Variants in ALMS1 observed in about 807,000 individuals in gnomAD.
ALMS1 encodes centrosome-associated protein ALMS1.
Under a neutral mutation model 352.2 loss-of-function variants are expected in ALMS1, and 271 were observed. The ratio of observed to expected loss-of-function variants is 0.77; its 90% CI spans 0.70 to 0.85. The LOEUF is 0.85. Among genes scored for constraint, ALMS1 ranks in the 40% least tolerant of loss-of-function variants. The probability of loss-of-function intolerance (pLI) is 0.00; values close to 1 mark genes in which losing one functional copy is unlikely to be tolerated. For synonymous variants in ALMS1, 1,865 were observed against 1,761.2 expected (o/e 1.06, Z -1.48); for missense variants, 5,445 against 4,870.7 (o/e 1.12, Z -3.51).
chr2:73,498,373 G>A (rs184211772), intron 10 of ALMS1, among the ~76,000 whole-genome samples: 50 of 152,056 alleles, frequency 3.3e-4, no homozygotes, highest in African/African-American at 1.1e-3. Flanking sequence ...GTGAAGAATG[G>A]GGTACATCCC....
At chr2:73,433,978 C>T (rs1473620443) in intron 7 of ALMS1, among the ~76,000 whole-genome samples, 1 of 152,084 alleles carries the variant, frequency 6.6e-6, no homozygotes, top group Non-Finnish European at 1.5e-5. Flanking sequence ...ATTTTAGTAA[C>T]TTAAGTTTTC....
Position 73,490,774 on chromosome 2 carries a change from GATC to G in ALMS1, c.8820_8822del (p.His2940del). 1 of 1,614,026 alleles carries G rather than the reference GATC, an allele frequency of 6.2e-7. No homozygotes were observed. Among genetic ancestry groups the G allele is most frequent in the Non-Finnish European group, 8.5e-7 (1 of 1,180,008 alleles). ...TGAACAGTGCAAAGCCCCATATGTA[GATC>G]ATCAAATGAGAGAAAACCATTCTCC... On this transcript the variant is annotated inframe_deletion, in exon 10 of 23. Coordinates refer to ENST00000613296, the MANE Select transcript of ALMS1 (RefSeq NM_001378454.1).
intron 7 of ALMS1, among the ~76,000 whole-genome samples, chr2:73,439,940 G>T (rs1032562375): frequency 6.6e-6 from 1 of 151,672 alleles, no homozygotes; most frequent in Non-Finnish European, 1.5e-5. Flanking sequence ...CTTACTATGG[G>T]TTTCATGAAC....
At chr2:73,516,046 C>T (rs1245287867) in intron 10 of ALMS1, among the ~76,000 whole-genome samples, 3 of 152,074 alleles carry the variant, frequency 2.0e-5, no homozygotes, top group East Asian at 3.8e-4. Flanking sequence ...GCAAACTGTG[C>T]ATCCAACAAA....
At chr2:73,551,425 CTTTTTTTTTTTTT>C (rs372741747) in intron 13 of ALMS1, among the ~76,000 whole-genome samples, 8,155 of 73,884 alleles carry the variant, frequency 0.11, 497 homozygotes, top group East Asian at 0.3. Context: ...GAGTTTCAAT[CTTTTTTTTTTTTT>C]TTTTTTTTTT....
intron 11 of ALMS1, among the ~76,000 whole-genome samples, chr2:73,523,892 A>G (rs1005020074): frequency 6.6e-6 from 1 of 152,228 alleles, no homozygotes; most frequent in African/African-American, 2.4e-5. Flanking sequence ...CTAGGAGTCC[A>G]TCTAGAAATG....
Position 73,453,005 on chromosome 2 carries a change from C to T in ALMS1, c.6478C>T (p.His2160Tyr), listed in dbSNP as rs1479606549. Residue 2160 changes from histidine to tyrosine, a missense_variant, in exon 8 of 23, where the codon CAT becomes TAT. Physicochemically the swap from His to Tyr is moderately conservative, Grantham distance 83 (BLOSUM62 2). Coordinates refer to ENST00000613296, the MANE Select transcript of ALMS1 (RefSeq NM_001378454.1). Reference sequence around the variant, plus strand: ...CTATCAAAAGGATTTGCCAGATAGACATCTAACTGAAGATGCTCTAAAGAT... The same window carrying T: ...CTATCAAAAGGATTTGCCAGATAGATATCTAACTGAAGATGCTCTAAAGAT... ...IFYQKDLPDRHLTEDALKISS... is the reference protein window; with the variant it reads ...IFYQKDLPDRYLTEDALKISS... The T allele has an allele frequency of 1.2e-6, 2 of 1,612,826 alleles. No homozygotes were observed. Among genetic ancestry groups the T allele is most frequent in the Non-Finnish European group, 1.7e-6 (2 of 1,179,626 alleles).
chr2:73,557,249 G>T lies in ALMS1; in HGVS notation c.10108G>T (p.Asp3370Tyr), dbSNP rs751123703. Residue 3370 changes from aspartate to tyrosine, a missense_variant, in exon 14 of 23, where the codon GAT (aspartate) becomes TAT (tyrosine). By Grantham distance (160) the Asp-to-Tyr change is radical (BLOSUM62 -3). Coordinates refer to ENST00000613296, the MANE Select transcript of ALMS1 (RefSeq NM_001378454.1). Reference sequence around the variant, plus strand: ...CTCAGTTCAAGTGCTAATCACTGGGGATGAGAACCTCTCAGACAAAAAACA... The same window carrying T: ...CTCAGTTCAAGTGCTAATCACTGGGTATGAGAACCTCTCAGACAAAAAACA... ...DASVQVLITG[D>Y]ENLSDKKQQE... The T allele has an allele frequency of 3.7e-6, 6 of 1,614,136 alleles. No homozygotes were observed. The South Asian group carries it at 6.6e-5, about 18-fold the overall frequency.
At chr2:73,391,362 C>T (rs1176446852) in intron 1 of ALMS1, among the ~76,000 whole-genome samples, 2 of 135,378 alleles carry the variant, frequency 1.5e-5, no homozygotes, top group Admixed American at 8.3e-5. Context: ...GGCGCAATCT[C>T]GGCTCACTGC....
At chr2:73,587,843 A>G (rs984656280) in intron 16 of ALMS1, among the ~76,000 whole-genome samples, 1 of 152,230 alleles carries the variant, frequency 6.6e-6, no homozygotes. Flanking sequence ...AGATATTACA[A>G]CCAATACCAC....
At chr2:73,431,018 G>T (rs1671488956) in intron 6 of ALMS1, among the ~76,000 whole-genome samples, 1 of 152,082 alleles carries the variant, frequency 6.6e-6, no homozygotes, top group South Asian at 2.1e-4. Context: ...GGAGAGCAGG[G>T]CTTCTTAGCA....
At chr2:73,515,370 T>A (rs1673533812) in intron 10 of ALMS1, among the ~76,000 whole-genome samples, 1 of 152,132 alleles carries the variant, frequency 6.6e-6, no homozygotes, top group South Asian at 2.1e-4. Flanking sequence ...TGCTAACTAG[T>A]AGCTAAATCC....
chr2:73,529,456 G>T (rs1397567789), intron 11 of ALMS1, among the ~76,000 whole-genome samples: 1 of 152,164 alleles, frequency 6.6e-6, no homozygotes, highest in Non-Finnish European at 1.5e-5. Context: ...TTCATAGATG[G>T]TCTAGAAGCT....
intron 9 of ALMS1, among the ~76,000 whole-genome samples, chr2:73,485,437 G>A (rs1024531029): frequency 6.6e-6 from 1 of 152,244 alleles, no homozygotes; most frequent in African/African-American, 2.4e-5. Context: ...CCCGTTCTCA[G>A]ATCTCCAGCT....
At chr2:73,454,248 T>C (rs888939275) in intron 8 of ALMS1, 181 bp downstream of exon 8, 5 of 963,394 alleles carry the variant, frequency 5.2e-6, no homozygotes, top group African/African-American at 1.8e-5. Context: ...TGACTATATT[T>C]CTTCTAACAA....
chr2:73,432,296 G>T lies in ALMS1; in HGVS notation c.1432+5G>T. On this transcript the variant is annotated splice_donor_5th_base_variant and intron_variant, in intron 7 of 22. Transcript: ENST00000613296. ...CTCCTAAACATTTAAAAGCAGGTACGTAGAAAAAGGAGATAGTAAATGTCC... is the reference window on the plus strand; with the variant it reads ...CTCCTAAACATTTAAAAGCAGGTACTTAGAAAAAGGAGATAGTAAATGTCC... The T allele has an allele frequency of 6.3e-7, 1 of 1,596,236 alleles. No individual in the cohort carries two copies. The highest frequency in any genetic ancestry group is 2.2e-5 in the East Asian group (1 of 44,676).
In ALMS1 at chr2:73,528,838, A is replaced by G. The variant is rs1673849320; in HGVS notation, c.9782-5986A>G. Among the ~76,000 whole-genome samples the G allele has an allele frequency of 3.3e-5, 5 of 152,104 alleles. No homozygotes were observed. The South Asian group carries it at 1.0e-3, about 32-fold the overall frequency. ...GTCTTCTCTGACTGTATTTTCAAAT[A>G]GCCTGTCTTCAAACTCACTGTGTTT... On this transcript the variant is annotated intron_variant, in intron 11 of 22. Transcript: ENST00000613296.
At chr2:73,544,714 C>T (rs1323705547) in intron 12 of ALMS1, among the ~76,000 whole-genome samples, 1 of 152,040 alleles carries the variant, frequency 6.6e-6, no homozygotes, top group African/African-American at 2.4e-5. Context: ...ATATATACCC[C>T]AACAAAGTGA....
At chr2:73,575,051 T>C (rs532187300) in intron 16 of ALMS1, among the ~76,000 whole-genome samples, 1 of 152,226 alleles carries the variant, frequency 6.6e-6, no homozygotes, top group African/African-American at 2.4e-5. Context: ...CTTCTCTCTC[T>C]TAGACACAGT....
Sources: allele counts gnomAD v4.1 joint callset (sites outside exome capture counted in the v4.1 genomes callset), GRCh38; gene constraint gnomAD v4.1.1; transcripts MANE v1.5; gene names NCBI Gene and HGNC (gene_info 2026-07-23, HGNC 2026-07-21).